The following CLASP2 variants were observed in gnomAD, a reference collection of about 807,000 sequenced individuals.
CLASP2 encodes cytoplasmic linker associated protein 2, also known as CLIP-associating protein 2.
CLASP2 carries 47 observed loss-of-function variants against 194.4 expected under a neutral mutation model. The observed-to-expected ratio is 0.24, with a 90% CI of 0.19 to 0.31. The LOEUF (loss-of-function observed/expected upper bound fraction) is 0.31. Among genes scored for constraint, CLASP2 ranks in the 10% least tolerant of loss-of-function variants. The pLI is 1.00. For synonymous variants in CLASP2, 619 were observed against 633.5 expected, an observed-to-expected ratio of 0.98 and a Z score of 0.34; for missense variants, 1,445 against 1,823.6, an observed-to-expected ratio of 0.79 and a Z score of 3.78.
At chr3:33,624,711 G>C (rs1429333418) in intron 10 of CLASP2, among the ~76,000 whole-genome samples, 1 of 151,834 alleles carries the variant, frequency 6.6e-6, no homozygotes, top group Non-Finnish European at 1.5e-5. Context: ...TGTGAATGTG[G>C]GTCTCTCTCT....
chr3:33,626,927 T>A, intron 10 of CLASP2, 61 bp downstream of exon 10: 1 of 1,016,098 alleles, frequency 9.8e-7, no homozygotes, highest in South Asian at 1.5e-5. Context: ...TGAATTTCCA[T>A]GTTTTTTAAA....
intron 7 of CLASP2, 149 bp from the exon 8 acceptor site, chr3:33,645,052 T>C (rs1243666650): frequency 1.3e-6 from 1 of 784,444 alleles, no homozygotes; most frequent in Admixed American, 2.3e-5. Flanking sequence ...TAAGCATTTA[T>C]ATATTGGCTA....
chr3:33,511,196 C>A (rs982319501), intron 36 of CLASP2, among the ~76,000 whole-genome samples: 3 of 151,972 alleles, frequency 2.0e-5, no homozygotes, highest in African/African-American at 7.2e-5. Flanking sequence ...TCATGCCCGG[C>A]TAATTTTTTT....
At chr3:33,690,041 G>A in intron 2 of CLASP2, 109 bp from the exon 3 acceptor site, 1 of 646,502 alleles carries the variant, frequency 1.5e-6, no homozygotes, top group Non-Finnish European at 2.4e-6. Flanking sequence ...GAAGAGTTGT[G>A]AGGTAAAGAA....
chr3:33,574,417 T>C (rs1182885944), intron 24 of CLASP2: 1 of 1,095,474 alleles, frequency 9.1e-7, no homozygotes, highest in South Asian at 1.6e-5. Flanking sequence ...GTTAAATTGA[T>C]GAAAGAAAAA....
chr3:33,499,178 T>C (rs111366107), intron 38 of CLASP2, among the ~76,000 whole-genome samples: 1 of 151,996 alleles, frequency 6.6e-6, no homozygotes, highest in African/African-American at 2.4e-5. Context: ...TTGTGAGGGG[T>C]TTTTGCCCGC....
At chr3:33,566,331 A>T (rs2062735382) in intron 27 of CLASP2, among the ~76,000 whole-genome samples, 1 of 152,220 alleles carries the variant, frequency 6.6e-6, no homozygotes, top group Non-Finnish European at 1.5e-5. Flanking sequence ...ATGTTTTTTT[A>T]AAAATTGTGA....
rs56906831 is a variant in CLASP2 at position 33,496,449 on chromosome 3, T to C, written c.*2182A>G. 1.9e-3 allele frequency: 282 copies of C among 152,300 alleles called. No individual in the cohort carries two copies. The highest frequency in any genetic ancestry group is 6.4e-3 in the African/African-American group (266 of 41,566). 9.4% of individuals were successfully genotyped at this position (152,300 alleles called of 1,614,324 possible). On this transcript the variant is annotated 3_prime_UTR_variant, in exon 39 of 39. Coordinates refer to ENST00000682230, the MANE Select transcript of CLASP2 (RefSeq NM_001365631.1). ...GTATTGTATATAGTGATTTAAATAA[T>C]CAGCTTTCTTATAGTCTTATCAACT...
At chr3:33,615,301 A>C (rs534270213) in intron 12 of CLASP2, among the ~76,000 whole-genome samples, 1 of 151,868 alleles carries the variant, frequency 6.6e-6, no homozygotes, top group African/African-American at 2.4e-5. Flanking sequence ...GAATGAAATA[A>C]AATGTATACT....
chr3:33,708,298 T>A (rs867777974), intron 1 of CLASP2, among the ~76,000 whole-genome samples: 37 of 150,882 alleles, frequency 2.5e-4, no homozygotes, highest in East Asian at 3.9e-4. Flanking sequence ...TTTTTTTTTT[T>A]AAATATTTGA....
intron 7 of CLASP2, among the ~76,000 whole-genome samples, chr3:33,650,180 C>T (rs958541144): frequency 1.3e-5 from 2 of 152,174 alleles, no homozygotes; most frequent in Admixed American, 6.5e-5. Context: ...TAACCAAATG[C>T]AATTTCTACA....
intron 6 of CLASP2, among the ~76,000 whole-genome samples, chr3:33,671,260 T>C (rs957334644): frequency 6.6e-6 from 1 of 152,086 alleles, no homozygotes; most frequent in Non-Finnish European, 1.5e-5. Flanking sequence ...TCCTCTCCCA[T>C]ACCTTACCAA....
rs535049225 is a variant in CLASP2 at position 33,536,179 on chromosome 3, T to C, written c.3559-718A>G. 8.6e-5 allele frequency among the ~76,000 whole-genome samples: 13 copies of C among 152,046 alleles called. No homozygotes were observed. In the East Asian group the frequency reaches 1.7e-3, roughly 20 times the overall value. The stretch of plus-strand genomic sequence containing the variant: ...TATATGCCTGGCATTGTTCACAGCA[T>C]TGGGAATACATCAGTGAGCAAAAGA... On this transcript the variant is annotated intron_variant, in intron 33 of 38. Transcript: ENST00000682230.
At chr3:33,531,661 G>A (rs2056334123) in intron 34 of CLASP2, among the ~76,000 whole-genome samples, 2 of 152,198 alleles carry the variant, frequency 1.3e-5, no homozygotes, top group African/African-American at 4.8e-5. Context: ...TGTAATCCCA[G>A]CTACTCAGCA....
intron 7 of CLASP2, among the ~76,000 whole-genome samples, chr3:33,655,872 CTG>C (rs1346101349): frequency 3.3e-5 from 5 of 152,128 alleles, no homozygotes; most frequent in African/African-American, 1.2e-4. Flanking sequence ...GAATAATAGA[CTG>C]TGCTGAAATG....
At chr3:33,563,828 C>T (rs2062189175) in intron 27 of CLASP2, 1 of 451,096 alleles carries the variant, frequency 2.2e-6, no homozygotes, top group East Asian at 7.0e-5. Flanking sequence ...GTCTAAAATA[C>T]CTGGACAAGT....
intron 23 of CLASP2, among the ~76,000 whole-genome samples, chr3:33,577,849 CA>C (rs1242799838): frequency 6.6e-6 from 1 of 152,192 alleles, no homozygotes; most frequent in African/African-American, 2.4e-5. Flanking sequence ...TTTGAAAACA[CA>C]ATGAGAAGGC....
chr3:33,538,371 C>A (rs1037805887), intron 33 of CLASP2, among the ~76,000 whole-genome samples: 1 of 152,222 alleles, frequency 6.6e-6, no homozygotes, highest in African/African-American at 2.4e-5. Context: ...TTGGACCACA[C>A]AATCTAAAAT....
intron 7 of CLASP2, among the ~76,000 whole-genome samples, chr3:33,655,319 A>T (rs1289231623): frequency 6.6e-6 from 1 of 152,172 alleles, no homozygotes; most frequent in Non-Finnish European, 1.5e-5. Flanking sequence ...CCTTAGAAGG[A>T]CACTATTTAT....
Sources: allele counts gnomAD v4.1 joint callset (sites outside exome capture counted in the v4.1 genomes callset), GRCh38; gene constraint gnomAD v4.1.1; transcripts MANE v1.5; gene names NCBI Gene and HGNC (gene_info 2026-07-23, HGNC 2026-07-21).